Variants in PPM1F observed in about 807,000 individuals in gnomAD.
The protein encoded by PPM1F is protein phosphatase, Mg2+/Mn2+ dependent 1F.
In PPM1F, 17 loss-of-function variants were observed where a neutral mutation model predicts 35.5. The observed-to-expected ratio is 0.48, with a 90% CI of 0.33 to 0.72. The LOEUF is 0.72. Ranked by LOEUF, PPM1F falls within the 30% of genes least tolerant of loss-of-function variation. The probability of loss-of-function intolerance (pLI) is 0.02; values close to 1 mark genes in which losing one functional copy is unlikely to be tolerated. For synonymous variants in PPM1F, 241 were observed against 255.5 expected (o/e 0.94, Z 0.54); for missense variants, 521 against 613.0 (o/e 0.85, Z 1.59).
chr22:21,927,397 G>A (rs2070529242), intron 6 of PPM1F, among the ~76,000 whole-genome samples: 1 of 152,218 alleles, frequency 6.6e-6, no homozygotes, highest in African/African-American at 2.4e-5. Flanking sequence ...TCCCTGGGGA[G>A]GGGCTGTGAG....
intron 2 of PPM1F, 140 bp downstream of exon 2, chr22:21,945,703 T>C: frequency 6.2e-6 from 5 of 806,504 alleles, no homozygotes; most frequent in Non-Finnish European, 7.6e-6. Context: ...CCACGGGAGT[T>C]CCACATGGTG....
chr22:21,941,321 G>A (rs2070723197), intron 2 of PPM1F: 1 of 152,606 alleles, frequency 6.6e-6, no homozygotes, highest in Admixed American at 6.5e-5. Flanking sequence ...ACTGTCTAAA[G>A]GAGAGAGTCT....
chr22:21,940,114 ATTAG>A (rs377687717), intron 2 of PPM1F, among the ~76,000 whole-genome samples: 139 of 152,262 alleles, frequency 9.1e-4, no homozygotes, highest in African/African-American at 3.2e-3. Flanking sequence ...TACAGATGGA[ATTAG>A]TTAAGATGAC....
In PPM1F at chr22:21,945,833, A is replaced by G; in HGVS notation, c.206+10T>C. The G allele has an allele frequency of 6.2e-7, 1 of 1,606,174 alleles. No individual in the cohort carries two copies. Among genetic ancestry groups the G allele is most frequent in the Middle Eastern group, 2.2e-4 (1 of 4,486 alleles). ...TACTCCCCGTCCCCTTTGGGGGTGCACAGGCCTACCTGCTGCCCAGAAAGC... is the reference window on the plus strand; with the variant it reads ...TACTCCCCGTCCCCTTTGGGGGTGCGCAGGCCTACCTGCTGCCCAGAAAGC... On this transcript the variant is annotated intron_variant, in intron 2 of 7. Coordinates refer to ENST00000263212, the MANE Select transcript of PPM1F (RefSeq NM_014634.4).
rs60216371 is a variant in PPM1F, at chr22:21,927,942, G to GTTTTTTTTTTTTT, written c.892-2293_892-2281dup. On this transcript the variant is annotated intron_variant, in intron 6 of 7. Coordinates refer to ENST00000263212, the MANE Select transcript of PPM1F (RefSeq NM_014634.4). ...GATTCTTGATTCTGTTTTTTGTTTTGTTTTTTTTTTTTTTTTTTTTTTTTT... is the reference window on the plus strand; with the variant it reads ...GATTCTTGATTCTGTTTTTTGTTTTGTTTTTTTTTTTTTTTTTTTTTTTTTTTTTTTTTTTTTT... 3.1e-3 allele frequency among the ~76,000 whole-genome samples: 230 copies of GTTTTTTTTTTTTT among 75,136 alleles called. 13 individuals are homozygous for GTTTTTTTTTTTTT. The highest frequency in any genetic ancestry group is 0.013 in the East Asian group (24 of 1,810). 49.3% of individuals were successfully genotyped at this position (75,136 alleles called of 152,430 possible). A position where few individuals can be genotyped will look rare whatever the true frequency, so the allele number is the denominator to read the frequency against.
rs1358198059 is a variant in PPM1F at position 21,945,941 on chromosome 22, T to A, written c.108A>T (p.Pro36=). The A allele has an allele frequency of 6.2e-7, 1 of 1,612,904 alleles. No homozygotes were observed. The highest frequency in any genetic ancestry group is 8.5e-7 in the Non-Finnish European group (1 of 1,179,464). Residue 36 remains proline, a synonymous_variant, in exon 2 of 8, where the codon CCA becomes CCT. Transcript: ENST00000263212. The stretch of plus-strand genomic sequence containing the variant: ...GGGCCTTCCATGGCAGAGGGTCCTC[T>A]GGGTTCAGCAGGGCTGGGAAGTCTT... ...LLQDFPALLN[P]EDPLPWKAPG... is the part of the protein sequence containing the mutation.
chr22:21,952,080 C>A (rs1366835363), intron 1 of PPM1F: 1 of 152,334 alleles, frequency 6.6e-6, no homozygotes, highest in African/African-American at 2.4e-5. Flanking sequence ...AGGAGCCCGC[C>A]ACCATGCAGT....
At chr22:21,925,515 G>T (rs757608371) in intron 7 of PPM1F, 54 bp downstream of exon 7, 1 of 1,534,318 alleles carries the variant, frequency 6.5e-7, no homozygotes, top group Non-Finnish European at 9.0e-7. Context: ...CACACTCGAG[G>T]CCTGGGCTTC....
chr22:21,942,169 G>A (rs549272268), intron 2 of PPM1F: 1 of 152,420 alleles, frequency 6.6e-6, no homozygotes, highest in South Asian at 2.1e-4. Context: ...GGAAGGCGAG[G>A]ACCTTCCAAC....
In PPM1F at chr22:21,945,967, G is replaced by T; in HGVS notation, c.82C>A (p.Gln28Lys). Residue 28 changes from glutamine (Q) to lysine (K), a missense_variant, in exon 2 of 8, where the codon CAA becomes AAA. Around this residue, in one of 3 missense-constraint regions of PPM1F, gnomAD observed 311 missense variants for 351.5 expected, o/e 0.88. Transcript: ENST00000263212. ...ETPGFLDTLL[Q>K]DFPALLNPED... ...GGGTTCAGCAGGGCTGGGAAGTCTTGCAGGAGCGTGTCCAGGAAGCCTGGG... is the reference window on the plus strand; with the variant it reads ...GGGTTCAGCAGGGCTGGGAAGTCTTTCAGGAGCGTGTCCAGGAAGCCTGGG... The T allele has an allele frequency of 6.2e-7, 1 of 1,611,550 alleles. No homozygotes were observed. Among genetic ancestry groups the T allele is most frequent in the Non-Finnish European group, 8.5e-7 (1 of 1,178,628 alleles).
chr22:21,930,952 T>G (rs5995248), intron 6 of PPM1F, among the ~76,000 whole-genome samples, 196 bp downstream of exon 6: 8,618 of 152,236 alleles, frequency 0.057, 334 homozygotes, highest in South Asian at 0.12. Flanking sequence ...GGGCTCCATA[T>G]AGCTGTGACC....
rs369011639 is a variant in PPM1F at position 21,933,120 on chromosome 22, T to A, written c.747+271A>T. On this transcript the variant is annotated intron_variant, in intron 5 of 7. Coordinates refer to ENST00000263212, the MANE Select transcript of PPM1F (RefSeq NM_014634.4). ...ATTAAAACAAAATCCCAGGAACGCT[T>A]GACCACAGCTGCCTTCCCCGAGGCC... Among the ~76,000 whole-genome samples the A allele has an allele frequency of 6.6e-5, 10 of 152,332 alleles. No homozygotes were observed. In the East Asian group the frequency reaches 1.7e-3, roughly 26 times the overall value.
chr22:21,923,778 A>G (rs2070477175), intron 7 of PPM1F, among the ~76,000 whole-genome samples: 1 of 151,598 alleles, frequency 6.6e-6, no homozygotes, highest in Non-Finnish European at 1.5e-5. Context: ...CCTGGGTTCA[A>G]GCGATTCCCC....
chr22:21,927,199 AG>A (rs1339368349), intron 6 of PPM1F, among the ~76,000 whole-genome samples: 1 of 152,226 alleles, frequency 6.6e-6, no homozygotes, highest in African/African-American at 2.4e-5. Flanking sequence ...AGGACCAGGA[AG>A]GAGGGAAGAG....
At chr22:21,947,646 CGAA>C (rs1376993314) in intron 1 of PPM1F, 2 of 152,220 alleles carry the variant, frequency 1.3e-5, no homozygotes, top group African/African-American at 4.8e-5. Flanking sequence ...GAAAACTGAA[CGAA>C]GAAGGCAAGG....
At chr22:21,928,701 T>TG (rs2070550351) in intron 6 of PPM1F, among the ~76,000 whole-genome samples, 1 of 152,212 alleles carries the variant, frequency 6.6e-6, no homozygotes, top group South Asian at 2.1e-4. Context: ...TCCTGTCTCC[T>TG]GAGGCTTGAG....
In PPM1F at chr22:21,924,233, C is replaced by T. The variant is rs147931041; in HGVS notation, c.986-762G>A. On this transcript the variant is annotated intron_variant, in intron 7 of 7. Coordinates refer to ENST00000263212, the MANE Select transcript of PPM1F (RefSeq NM_014634.4). ...CCACAGCCTGAGACCCGGCACTGACCGCATGCTGAGACAATGAGATGCAGG... is the reference window on the plus strand; with the variant it reads ...CCACAGCCTGAGACCCGGCACTGACTGCATGCTGAGACAATGAGATGCAGG... 4.5e-3 allele frequency among the ~76,000 whole-genome samples: 685 copies of T among 151,134 alleles called. 2 individuals are homozygous for T. The highest frequency in any genetic ancestry group is 8.1e-3 in the Non-Finnish European group (551 of 67,894).
intron 7 of PPM1F, among the ~76,000 whole-genome samples, chr22:21,924,234 G>T (rs923953807): frequency 1.3e-5 from 2 of 151,576 alleles, no homozygotes; most frequent in African/African-American, 2.4e-5. Flanking sequence ...GGCACTGACC[G>T]CATGCTGAGA....
At position 21,934,019 on chromosome 22, in the gene PPM1F, C is replaced by T; in HGVS notation, c.558+5G>A. The T allele has an allele frequency of 6.5e-7, 1 of 1,549,350 alleles. No homozygotes were observed. The highest frequency in any genetic ancestry group is 8.7e-7 in the Non-Finnish European group (1 of 1,144,972). On this transcript the variant is annotated splice_donor_5th_base_variant and intron_variant, in intron 4 of 7. Coordinates refer to ENST00000263212, the MANE Select transcript of PPM1F (RefSeq NM_014634.4). Reference sequence around the variant, plus strand: ...TGTCCCCAGGGTCTGGACGGGAGCACTCACAGACAAGCCGAAGAGCTGGTT... The same window carrying T: ...TGTCCCCAGGGTCTGGACGGGAGCATTCACAGACAAGCCGAAGAGCTGGTT...
Sources: allele counts gnomAD v4.1 joint callset (sites outside exome capture counted in the v4.1 genomes callset), GRCh38; gene constraint gnomAD v4.1.1; regional missense constraint gnomAD v4.1.1; transcripts MANE v1.5; gene names NCBI Gene and HGNC (gene_info 2026-07-23, HGNC 2026-07-21).